MYOF: variants seen among roughly 807,000 people sequenced by gnomAD.
The protein encoded by MYOF is myoferlin, also known as fer-1-like 3, myoferlin.
MYOF carries 244 observed loss-of-function variants against 284.2 expected under a neutral mutation model. That is an observed-to-expected ratio of 0.86 (90% confidence interval 0.77 to 0.95). The LOEUF is 0.95. Ranked by LOEUF, MYOF falls within the 40% of genes least tolerant of loss-of-function variation. The pLI is 0.00. For synonymous variants in MYOF, 904 were observed against 919.7 expected (o/e 0.98, Z 0.31); for missense variants, 2,496 against 2,560.6 (o/e 0.97, Z 0.54).
chr10:93,479,281 C>T (rs1254822731), intron 1 of MYOF, among the ~76,000 whole-genome samples: 2 of 152,056 alleles, frequency 1.3e-5, no homozygotes, highest in Non-Finnish European at 2.9e-5. Flanking sequence ...GCTGGGACTA[C>T]AGGCATGGTA....
chr10:93,397,557 A>G (rs1465600269), intron 13 of MYOF, 101 bp from the exon 14 acceptor site: 6 of 738,746 alleles, frequency 8.1e-6, no homozygotes, highest in Admixed American at 3.4e-5. Flanking sequence ...GTTTACTTAT[A>G]TACTTAGGAA....
chr10:93,387,223 C>T (rs939522195), intron 19 of MYOF, among the ~76,000 whole-genome samples: 1 of 152,182 alleles, frequency 6.6e-6, no homozygotes, highest in South Asian at 2.1e-4. Flanking sequence ...CCTGGGGCAG[C>T]TGGGGGGCTG....
At chr10:93,347,286 C>G (rs1844231759) in intron 37 of MYOF, among the ~76,000 whole-genome samples, 1 of 152,102 alleles carries the variant, frequency 6.6e-6, no homozygotes, top group Non-Finnish European at 1.5e-5. Flanking sequence ...GGCGCGGTGG[C>G]TCACGCCTGT....
At chr10:93,332,980 A>G (rs551254521) in intron 43 of MYOF, among the ~76,000 whole-genome samples, 5 of 152,344 alleles carry the variant, frequency 3.3e-5, no homozygotes, top group Non-Finnish European at 7.3e-5. Context: ...CTGTGCTCCT[A>G]TAACACTAGT....
chr10:93,316,162 C>T (rs1842602706), intron 50 of MYOF, among the ~76,000 whole-genome samples: 1 of 151,864 alleles, frequency 6.6e-6, no homozygotes, highest in African/African-American at 2.4e-5. Flanking sequence ...GATGCAGAAA[C>T]AGAGCTGGCT....
At chr10:93,307,129 T>G in intron 53 of MYOF, 128 bp from the exon 54 acceptor site, 1 of 815,132 alleles carries the variant, frequency 1.2e-6, no homozygotes, top group Non-Finnish European at 1.9e-6. Context: ...GGGAGTGTCC[T>G]GTGCATTGTA....
chr10:93,346,412 TC>T (rs1378971530), intron 37 of MYOF, among the ~76,000 whole-genome samples: 1 of 152,374 alleles, frequency 6.6e-6, no homozygotes, highest in East Asian at 1.9e-4. Context: ...ATGAGGCTGT[TC>T]CAGCCCTCCC....
intron 2 of MYOF, among the ~76,000 whole-genome samples, chr10:93,452,707 TAAC>T (rs1156228404): frequency 6.6e-6 from 1 of 151,896 alleles, no homozygotes; most frequent in African/African-American, 2.4e-5. Context: ...AGTATAATAA[TAAC>T]AAAAATAAAA....
chr10:93,408,585 C>T (rs1487720133), intron 7 of MYOF, among the ~76,000 whole-genome samples: 2 of 151,934 alleles, frequency 1.3e-5, no homozygotes, highest in Non-Finnish European at 2.9e-5. Flanking sequence ...TCTCCTTTTC[C>T]AATAGCAGAA....
intron 43 of MYOF, among the ~76,000 whole-genome samples, chr10:93,332,526 C>T (rs1456090670): frequency 6.6e-6 from 1 of 151,636 alleles, no homozygotes; most frequent in East Asian, 2.0e-4. Flanking sequence ...GGCCCTCACT[C>T]TTCTCTTAAA....
rs1223982210 is a variant in MYOF at position 93,452,082 on chromosome 10, A to G, written c.204T>C (p.Ile68=). ...GTCCAATTGTCTCAAAATCTTTCAC[A>G]ATAATCCCAAGGGAAGATGAAAAGT... ...PLDFSSSLGI[I]VKDFETIGQN... The change falls in exon 3 of 54, where the codon ATT becomes ATC. Residue 68 remains isoleucine (I), a synonymous_variant. Transcript: ENST00000359263. 1 of 1,613,224 alleles carries G rather than the reference A, an allele frequency of 6.2e-7. No individual in the cohort carries two copies. Among genetic ancestry groups the G allele is most frequent in the African/African-American group, 1.3e-5 (1 of 74,856 alleles).
intron 31 of MYOF, among the ~76,000 whole-genome samples, chr10:93,354,559 G>A (rs1844694764): frequency 1.3e-5 from 2 of 151,992 alleles, no homozygotes; most frequent in Non-Finnish European, 2.9e-5. Context: ...TACTACTTCA[G>A]CATCAGATCT....
chr10:93,457,515 C>T (rs1160450335), intron 1 of MYOF, among the ~76,000 whole-genome samples: 1 of 152,168 alleles, frequency 6.6e-6, no homozygotes, highest in Admixed American at 6.5e-5. Context: ...TACTCCGAGG[C>T]CACCTTTTCT....
intron 1 of MYOF, among the ~76,000 whole-genome samples, chr10:93,468,226 T>G (rs1028675809): frequency 6.6e-6 from 1 of 152,226 alleles, no homozygotes; most frequent in East Asian, 1.9e-4. Flanking sequence ...ACTAGTATAT[T>G]TCACATAATT....
In MYOF at chr10:93,406,288, T is replaced by TTATATATATATATATATATA. The variant is rs3980375; in HGVS notation, c.730-2089_730-2070dup. ...TAGAAATTTTTTTAGTAAACCTCTTTTATATATATATATATATATATATAT... is the reference window on the plus strand; with the variant it reads ...TAGAAATTTTTTTAGTAAACCTCTTTTATATATATATATATATATATATATATATATATATATATATATAT... On this transcript the variant is annotated intron_variant, in intron 7 of 53. Transcript: ENST00000359263. Among the ~76,000 whole-genome samples the TTATATATATATATATATATA allele has an allele frequency of 9.1e-3, 527 of 57,974 alleles. 44 individuals are homozygous for TTATATATATATATATATATA. The highest frequency in any genetic ancestry group is 0.019 in the East Asian group (9 of 464). 38.0% of individuals were successfully genotyped at this position (57,974 alleles called of 152,430 possible).
chr10:93,351,676 T>C lies in MYOF; in HGVS notation c.3652A>G (p.Asn1218Asp). 1 of 1,585,524 alleles carries C rather than the reference T, an allele frequency of 6.3e-7. No homozygotes were observed. Among genetic ancestry groups the C allele is most frequent in the Non-Finnish European group, 8.6e-7 (1 of 1,167,770 alleles). ...TCTAAACGACCTACCACTTGGTCAT[T>C]GTCAAAAAGTTCCATGATAACTTTG... ...PPKVIMELFDNDQVGKDEFLG... is the reference protein window; with the variant it reads ...PPKVIMELFDDDQVGKDEFLG... Residue 1218 changes from asparagine (N) to aspartate (D), a missense_variant, in exon 33 of 54, where the codon AAT (asparagine) becomes GAT (aspartate). By Grantham distance (23) the Asn-to-Asp change is conservative. Coordinates refer to ENST00000359263, the MANE Select transcript of MYOF (RefSeq NM_013451.4).
rs1554850012 is a variant in MYOF at position 93,378,713 on chromosome 10, A to ATATG, written c.2001+1146_2001+1149dup. Among the ~76,000 whole-genome samples, 206 of 124,304 alleles carry ATATG rather than the reference A, an allele frequency of 1.7e-3. 5 individuals carry two copies. The highest frequency in any genetic ancestry group is 3.8e-3 in the South Asian group (13 of 3,432). 81.5% of individuals were successfully genotyped at this position (124,304 alleles called of 152,430 possible). ...TGTGTGTATATATATATATATATAT[A>ATATG]TATGTATATATTTATCTTTTTAGAC... is the stretch of plus-strand genomic sequence containing the variant. On this transcript the variant is annotated intron_variant, in intron 21 of 53. Transcript: ENST00000359263.
chr10:93,320,020 G>T lies in MYOF; in HGVS notation c.5457-7C>A. ...TTCATTGCCAGGAATCCAGCTGAAA[G>T]GCAGAGGCAAACAGACTTAGCTTCA... On this transcript the variant is annotated splice_polypyrimidine_tract_variant and splice_region_variant and intron_variant, in intron 48 of 53. Coordinates refer to ENST00000359263, the MANE Select transcript of MYOF (RefSeq NM_013451.4). The T allele has an allele frequency of 6.2e-7, 1 of 1,614,104 alleles. No individual in the cohort carries two copies. The highest frequency in any genetic ancestry group is 1.3e-5 in the African/African-American group (1 of 75,046).
chr10:93,464,002 G>C (rs1435583325), intron 1 of MYOF, among the ~76,000 whole-genome samples: 3 of 151,976 alleles, frequency 2.0e-5, no homozygotes, highest in Non-Finnish European at 4.4e-5. Context: ...CTAATTGTTT[G>C]GTCAAACATA....
Sources: gnomAD v4.1 joint callset for allele counts (sites outside exome capture counted in the v4.1 genomes callset) on GRCh38, gnomAD v4.1.1 for gene constraint, MANE v1.5 for transcripts, NCBI Gene and HGNC (gene_info 2026-07-23, HGNC 2026-07-21) for gene names.